The following ST6GAL1 variants were observed in gnomAD, a reference collection of about 807,000 sequenced individuals.
ST6GAL1 encodes beta-galactoside alpha-2,6-sialyltransferase 1.
A neutral mutation model predicts 38.0 loss-of-function variants in ST6GAL1; 20 were observed. The observed-to-expected ratio is 0.53, with a 90% CI of 0.37 to 0.77. The LOEUF is 0.77. ST6GAL1 is among the 30% of genes least tolerant of loss of function. The pLI is 0.00. For synonymous variants in ST6GAL1, 196 were observed against 188.2 expected (o/e 1.04, Z -0.34); for missense variants, 432 against 496.4 (o/e 0.87, Z 1.23).
At chr3:187,055,192 C>A (rs1449203716) in intron 5 of ST6GAL1, among the ~76,000 whole-genome samples, 1 of 149,310 alleles carries the variant, frequency 6.7e-6, no homozygotes, top group African/African-American at 2.5e-5. Flanking sequence ...TCTCTCTTTT[C>A]TTCTTTATTA....
intron 2 of ST6GAL1, among the ~76,000 whole-genome samples, chr3:186,976,388 A>G (rs906386579): frequency 6.6e-6 from 1 of 152,150 alleles, no homozygotes; most frequent in Non-Finnish European, 1.5e-5. Flanking sequence ...TACTTCTACC[A>G]AGCATTGTTT....
At chr3:187,001,167 G>A (rs777715906) in intron 2 of ST6GAL1, among the ~76,000 whole-genome samples, 2 of 152,216 alleles carry the variant, frequency 1.3e-5, no homozygotes, top group African/African-American at 4.8e-5. Flanking sequence ...ACAGAAGCGA[G>A]GTAGAACTCA....
intron 2 of ST6GAL1, among the ~76,000 whole-genome samples, chr3:187,007,738 G>A (rs187161918): frequency 6.6e-6 from 1 of 152,184 alleles, no homozygotes; most frequent in African/African-American, 2.4e-5. Context: ...GACTTAGATC[G>A]TGAAATTATT....
chr3:186,968,021 T>C (rs28564410), intron 2 of ST6GAL1, among the ~76,000 whole-genome samples: 1,803 of 152,338 alleles, frequency 0.012, 33 homozygotes, highest in African/African-American at 0.037. Flanking sequence ...AGAGATCTCC[T>C]GCAGCCCCAG....
chr3:187,074,327 A>T lies in ST6GAL1; in HGVS notation c.973A>T (p.Met325Leu). 1.3e-6 allele frequency: 2 copies of T among 1,584,624 alleles called. No individual in the cohort carries two copies. Among genetic ancestry groups the T allele is most frequent in the Non-Finnish European group, 8.6e-7 (1 of 1,168,312 alleles). The change falls in exon 7 of 8, where the codon ATG becomes TTG. Residue 325 changes from methionine to leucine, a missense_variant. Physicochemically the swap from Met to Leu is conservative, Grantham distance 15. Transcript: ENST00000169298. Reference sequence around the variant, plus strand: ...TCAGCCAAACCCCCCATCCTCTGGGATGCTTGGTGAGTTCATGTCGGGGAA... The same window carrying T: ...TCAGCCAAACCCCCCATCCTCTGGGTTGCTTGGTGAGTTCATGTCGGGGAA... ...EIQPNPPSSG[M>L]LGIIIMMTLC...
intron 5 of ST6GAL1, among the ~76,000 whole-genome samples, chr3:187,067,770 G>T (rs1719218733): frequency 6.6e-6 from 1 of 152,108 alleles, no homozygotes; most frequent in Non-Finnish European, 1.5e-5. Context: ...TCTGTTAGGA[G>T]CCTGCCTCTG....
At chr3:187,056,268 C>G (rs927344048) in intron 5 of ST6GAL1, among the ~76,000 whole-genome samples, 2 of 152,050 alleles carry the variant, frequency 1.3e-5, no homozygotes, top group Non-Finnish European at 1.5e-5. Flanking sequence ...AATTTGCCAG[C>G]CTGTATCTTT....
intron 2 of ST6GAL1, among the ~76,000 whole-genome samples, chr3:186,980,428 G>A (rs1050806405): frequency 6.6e-6 from 1 of 151,996 alleles, no homozygotes; most frequent in South Asian, 2.1e-4. Flanking sequence ...AAGAATATAC[G>A]TCTTTAAAAA....
intron 1 of ST6GAL1, among the ~76,000 whole-genome samples, chr3:186,934,019 G>A (rs745624564): frequency 6.6e-6 from 1 of 152,208 alleles, no homozygotes; most frequent in Non-Finnish European, 1.5e-5. Context: ...CCATTTAGGG[G>A]CTGCTTTGTA....
In ST6GAL1 at chr3:187,076,134, T is replaced by C; in HGVS notation, c.*331T>C. 3.4e-6 allele frequency: 1 copy of C among 292,968 alleles called. No homozygotes were observed. The highest frequency in any genetic ancestry group is 6.4e-6 in the Non-Finnish European group (1 of 155,796). 18.1% of individuals were successfully genotyped at this position (292,968 alleles called of 1,614,324 possible). ...GGGCTGCCAAAGCTGGGCTTTGTTT[T>C]TCCCAGCAGAATGATGCCATTCTCA... On this transcript the variant is annotated 3_prime_UTR_variant, in exon 8 of 8. Coordinates refer to ENST00000169298, the MANE Select transcript of ST6GAL1 (RefSeq NM_173216.2).
intron 2 of ST6GAL1, among the ~76,000 whole-genome samples, chr3:187,004,354 A>G (rs1024480614): frequency 6.6e-6 from 1 of 152,240 alleles, no homozygotes; most frequent in Non-Finnish European, 1.5e-5. Flanking sequence ...TGAAAGTCCT[A>G]TGACTAGCAA....
chr3:187,059,126 T>A (rs1308837250), intron 5 of ST6GAL1, among the ~76,000 whole-genome samples: 1 of 151,860 alleles, frequency 6.6e-6, no homozygotes, highest in Non-Finnish European at 1.5e-5. Flanking sequence ...GAGGGAGGCG[T>A]TACACCACTC....
chr3:187,045,359 G>A (rs1246988186), intron 4 of ST6GAL1, among the ~76,000 whole-genome samples: 5 of 151,892 alleles, frequency 3.3e-5, no homozygotes, highest in Non-Finnish European at 2.9e-5. Context: ...GCCTCCAGCA[G>A]TCTCACAAAC....
chr3:187,058,461 C>CTT (rs1718796418), intron 5 of ST6GAL1, among the ~76,000 whole-genome samples: 1 of 152,130 alleles, frequency 6.6e-6, no homozygotes, highest in South Asian at 2.1e-4. Flanking sequence ...AATTGAGGAA[C>CTT]TTAACTTATT....
intron 2 of ST6GAL1, among the ~76,000 whole-genome samples, chr3:187,019,015 C>A (rs1304462014): frequency 6.6e-6 from 1 of 152,206 alleles, no homozygotes; most frequent in Non-Finnish European, 1.5e-5. Flanking sequence ...TATCAACTGA[C>A]TGTGGTAGTC....
chr3:186,933,809 GTTATAACAACACCCT>G (rs1258522092), intron 1 of ST6GAL1, among the ~76,000 whole-genome samples: 1 of 152,222 alleles, frequency 6.6e-6, no homozygotes, highest in African/African-American at 2.4e-5. Context: ...AGTTATGGTT[GTTATAACAACACCCT>G]TTAAGTCAGA....
intron 2 of ST6GAL1, among the ~76,000 whole-genome samples, chr3:186,981,280 G>T (rs1247931665): frequency 5.3e-5 from 8 of 152,180 alleles, no homozygotes; most frequent in African/African-American, 7.2e-5. Context: ...AGAGTGGGAA[G>T]ACCCTAGTTA....
intron 2 of ST6GAL1, among the ~76,000 whole-genome samples, chr3:187,030,241 G>C (rs567997708): frequency 6.6e-6 from 1 of 152,168 alleles, no homozygotes; most frequent in African/African-American, 2.4e-5. Context: ...CATAGGTAGC[G>C]CTGTCTGCAC....
At chr3:186,954,096 C>A (rs1714670311) in intron 1 of ST6GAL1, among the ~76,000 whole-genome samples, 2 of 152,132 alleles carry the variant, frequency 1.3e-5, no homozygotes, top group Non-Finnish European at 2.9e-5. Flanking sequence ...ATTTTCTCTT[C>A]CTGTGTTAGT....
Sources: allele counts gnomAD v4.1 joint callset (sites outside exome capture counted in the v4.1 genomes callset), GRCh38; gene constraint gnomAD v4.1.1; transcripts MANE v1.5; gene names NCBI Gene and HGNC (gene_info 2026-07-23, HGNC 2026-07-21).